The following GAP43 variants were observed in gnomAD, a reference collection of about 807,000 sequenced individuals.
GAP43 encodes neuromodulin.
In GAP43, 6 loss-of-function variants were observed where a neutral mutation model predicts 18.6. That is an observed-to-expected ratio of 0.32 (90% CI 0.18 to 0.64). The LOEUF (loss-of-function observed/expected upper bound fraction) is 0.64, where lower values mean the gene tolerates loss of function less well. GAP43 is among the 30% of genes least tolerant of loss of function. The pLI is 0.78. For missense variants in GAP43, 292 were observed against 295.5 expected (o/e 0.99, Z 0.09); for synonymous variants, 115 against 111.4 (o/e 1.03, Z -0.20).
intron 1 of GAP43, among the ~76,000 whole-genome samples, chr3:115,627,302 C>G (rs1030427353): frequency 6.6e-6 from 1 of 151,614 alleles, no homozygotes; most frequent in Non-Finnish European, 1.5e-5. Flanking sequence ...CTGTGTAACT[C>G]TCTTCCCCAC....
chr3:115,645,261 G>T (rs1432709430), intron 1 of GAP43, among the ~76,000 whole-genome samples: 2 of 151,978 alleles, frequency 1.3e-5, no homozygotes, highest in Non-Finnish European at 2.9e-5. Flanking sequence ...ATCCTTGCTA[G>T]GTTGGAGTTC....
chr3:115,672,172 A>G (rs1042115967), intron 1 of GAP43, among the ~76,000 whole-genome samples: 1 of 152,186 alleles, frequency 6.6e-6, no homozygotes, highest in African/African-American at 2.4e-5. Flanking sequence ...GTTGAGGTCA[A>G]ATACAAGCTG....
intron 2 of GAP43, among the ~76,000 whole-genome samples, chr3:115,711,142 A>G (rs980216050): frequency 3.9e-5 from 6 of 152,200 alleles, no homozygotes; most frequent in African/African-American, 1.4e-4. Flanking sequence ...GTGTTAAAGT[A>G]TCTCTTACGT....
chr3:115,721,407 T>C lies in GAP43; in HGVS notation c.*525T>C, dbSNP rs1334617886. 1 of 152,378 alleles carries C rather than the reference T, an allele frequency of 6.6e-6. No individual in the cohort carries two copies. The highest frequency in any genetic ancestry group is 2.1e-4 in the South Asian group (1 of 4,836). 9.4% of individuals were successfully genotyped at this position (152,378 alleles called of 1,614,324 possible). A position where few individuals can be genotyped will look rare whatever the true frequency, so the allele number is the denominator to read the frequency against. ...TTTAAAAATAAATAAATAAAGCAAA[T>C]GTGCCAATTAGCGTAAACTTGCGGC... On this transcript the variant is annotated 3_prime_UTR_variant, in exon 3 of 3. Coordinates refer to ENST00000305124, the MANE Select transcript of GAP43 (RefSeq NM_002045.4).
chr3:115,686,027 T>G (rs1363359456), intron 2 of GAP43, among the ~76,000 whole-genome samples: 2 of 152,208 alleles, frequency 1.3e-5, no homozygotes, highest in Non-Finnish European at 2.9e-5. Context: ...TTATTTGTAG[T>G]TTTTGCCAAT....
chr3:115,698,705 A>C (rs1269473814), intron 2 of GAP43, among the ~76,000 whole-genome samples: 1 of 152,112 alleles, frequency 6.6e-6, no homozygotes, highest in Non-Finnish European at 1.5e-5. Flanking sequence ...CCAATCCCAA[A>C]GGAAAGTGGG....
chr3:115,700,935 G>C (rs1709289987), intron 2 of GAP43, among the ~76,000 whole-genome samples: 1 of 152,108 alleles, frequency 6.6e-6, no homozygotes, highest in Non-Finnish European at 1.5e-5. Context: ...AGGACATGTA[G>C]ATCAGACTGA....
At chr3:115,698,086 ATGTAT>A (rs1559804163) in intron 2 of GAP43, among the ~76,000 whole-genome samples, 3 of 55,778 alleles carry the variant, frequency 5.4e-5, no homozygotes, top group East Asian at 6.6e-4. Context: ...TATATAAAAT[ATGTAT>A]TATATATAAT....
intron 2 of GAP43, among the ~76,000 whole-genome samples, chr3:115,694,422 T>C (rs1709157610): frequency 6.6e-6 from 1 of 152,232 alleles, no homozygotes; most frequent in Non-Finnish European, 1.5e-5. Flanking sequence ...TACTCAGTCT[T>C]TGGTCTGGCT....
chr3:115,634,409 A>G (rs929786515), intron 1 of GAP43, among the ~76,000 whole-genome samples: 3 of 152,122 alleles, frequency 2.0e-5, no homozygotes, highest in African/African-American at 7.2e-5. Flanking sequence ...GCTGTTTCCA[A>G]GGGATTTATT....
At chr3:115,643,420 G>C (rs1215383688) in intron 1 of GAP43, among the ~76,000 whole-genome samples, 3 of 151,986 alleles carry the variant, frequency 2.0e-5, no homozygotes, top group African/African-American at 7.2e-5. Context: ...TGAGCTCTCT[G>C]ATATTATCCT....
intron 1 of GAP43, among the ~76,000 whole-genome samples, chr3:115,641,231 C>T (rs1708391587): frequency 6.6e-6 from 1 of 151,640 alleles, no homozygotes; most frequent in Admixed American, 6.6e-5. Flanking sequence ...TGAAAAATCA[C>T]CTTCTTCATA....
intron 1 of GAP43, among the ~76,000 whole-genome samples, chr3:115,643,581 T>C (rs1014974687): frequency 2.0e-5 from 3 of 152,180 alleles, no homozygotes; most frequent in South Asian, 2.1e-4. Context: ...CCTAAAATAC[T>C]TTGTTGCAAC....
intron 1 of GAP43, among the ~76,000 whole-genome samples, chr3:115,659,302 C>T (rs1180831797): frequency 2.6e-5 from 4 of 152,074 alleles, no homozygotes; most frequent in Non-Finnish European, 5.9e-5. Flanking sequence ...AAAAAGTTTT[C>T]TAGGCTTTTT....
At chr3:115,679,993 T>A (rs12485311) in intron 2 of GAP43, among the ~76,000 whole-genome samples, 98,221 of 152,012 alleles carry the variant, frequency 0.65, 33,390 homozygotes, top group Admixed American at 0.76. Context: ...ATTCCCTGAA[T>A]AGAAAAATTA....
chr3:115,695,060 AC>A (rs1433038648), intron 2 of GAP43, among the ~76,000 whole-genome samples: 1 of 152,210 alleles, frequency 6.6e-6, no homozygotes, highest in Non-Finnish European at 1.5e-5. Flanking sequence ...CAGTGCCTTA[AC>A]ACTTTTGAAT....
intron 1 of GAP43, among the ~76,000 whole-genome samples, chr3:115,630,205 A>C (rs1467358303): frequency 6.6e-6 from 1 of 152,204 alleles, no homozygotes. Context: ...TAAATCAACT[A>C]AGAGTAGCAA....
chr3:115,641,886 G>A (rs1335956030), intron 1 of GAP43, among the ~76,000 whole-genome samples: 2 of 152,058 alleles, frequency 1.3e-5, no homozygotes, highest in Admixed American at 1.3e-4. Flanking sequence ...TCTTGCGGCT[G>A]AAGCAGAGTT....
chr3:115,628,243 T>C (rs973770754), intron 1 of GAP43, among the ~76,000 whole-genome samples: 6 of 151,922 alleles, frequency 3.9e-5, no homozygotes, highest in Non-Finnish European at 2.9e-5. Context: ...CCCCCGTGTT[T>C]TCCCCAGAGC....
Sources: allele counts gnomAD v4.1 joint callset (sites outside exome capture counted in the v4.1 genomes callset), GRCh38; gene constraint gnomAD v4.1.1; transcripts MANE v1.5; gene names NCBI Gene and HGNC (gene_info 2026-07-23, HGNC 2026-07-21).